The following ZNF584 variants were observed in gnomAD, a reference collection of about 807,000 sequenced individuals.
ZNF584 encodes zinc finger protein 584.
In ZNF584, 12 loss-of-function variants were observed where a neutral mutation model predicts 14.7. That is an observed-to-expected ratio of 0.82 (90% confidence interval 0.52 to 1.32). The LOEUF is 1.32. Among genes scored for constraint, ZNF584 ranks in the 40% most tolerant of loss-of-function variants. The pLI is 0.00. For synonymous variants in ZNF584, 204 were observed against 190.9 expected (o/e 1.07, Z -0.57); for missense variants, 478 against 518.8 (o/e 0.92, Z 0.76).
upstream of ZNF584, chr19:58,405,200 C>T (rs1385565426): frequency 1.4e-5 from 2 of 143,380 alleles, 1 homozygote; most frequent in South Asian, 4.5e-4. Context: ...CCGGACGGGT[C>T]GGCTGGCCGC....
Position 58,417,703 on chromosome 19 carries a change from C to T in ZNF584, c.1185C>T (p.Ser395=), listed in dbSNP as rs777361831. Residue 395 remains serine, a synonymous_variant, in exon 4 of 4, where the codon TCC becomes TCT. Transcript: ENST00000306910. The stretch of plus-strand genomic sequence containing the variant: ...GTGGGAAGGCCTTCAAACATAGTTC[C>T]ACCCTCCTTCAGCACAAGAAAGTCC... ...TECGKAFKHS[S]TLLQHKKVHT... is the part of the protein sequence containing the mutation. 5 of 1,614,118 alleles carry T rather than the reference C, an allele frequency of 3.1e-6. No individual in the cohort carries two copies. The highest frequency in any genetic ancestry group is 1.1e-5 in the South Asian group (1 of 91,078).
At position 58,410,695 on chromosome 19, in the gene ZNF584, A is replaced by ATATATATATGTATATATGTG. The variant is rs2052553943; in HGVS notation, c.169+614_169+633dup. On this transcript the variant is annotated intron_variant, in intron 2 of 3. Transcript: ENST00000306910. ...TATGTGTATATATATGTATATATGT[A>ATATATATATGTATATATGTG]TATATATATGTATATATGTGTATAT... Among the ~76,000 whole-genome samples, 3 of 49,194 alleles carry ATATATATATGTATATATGTG rather than the reference A, an allele frequency of 6.1e-5. 1 individual carries two copies. The highest frequency in any genetic ancestry group is 6.9e-5 in the Non-Finnish European group (2 of 28,950). 32.3% of individuals were successfully genotyped at this position (49,194 alleles called of 152,430 possible).
At chr19:58,415,773 C>T (rs774412840) in intron 3 of ZNF584, 127 bp downstream of exon 3, 1 of 1,611,622 alleles carries the variant, frequency 6.2e-7, no homozygotes, top group Non-Finnish European at 8.5e-7. Flanking sequence ...CCTTTCCTGT[C>T]TTATGTGGAC....
intron 2 of ZNF584, among the ~76,000 whole-genome samples, chr19:58,413,902 T>G (rs2052607653): frequency 6.6e-6 from 1 of 151,918 alleles, no homozygotes. Flanking sequence ...CACTGCAAGC[T>G]CCGCCTCCTG....
At chr19:58,412,170 A>C (rs183189178) in intron 2 of ZNF584, among the ~76,000 whole-genome samples, 3,747 of 135,482 alleles carry the variant, frequency 0.028, 201 homozygotes, top group African/African-American at 0.1. Flanking sequence ...TAGTAGAGAC[A>C]GGGGTTTCAC....
At chr19:58,409,839 CAG>C (rs1268727830) in intron 1 of ZNF584, 100 bp from the exon 2 acceptor site, 142 of 1,391,770 alleles carry the variant, frequency 1.0e-4, no homozygotes, top group Non-Finnish European at 1.4e-4. Flanking sequence ...AAGATAATGT[CAG>C]GGGGAGATGT....
At position 58,417,560 on chromosome 19, in the gene ZNF584, C is replaced by T. The variant is rs756074142; in HGVS notation, c.1042C>T (p.His348Tyr). Reference sequence around the variant, plus strand: ...AGGCCTCTATCAGCACTGGAAAGTCCACACTGGGGAACGGCCCTATGAATG... The same window carrying T: ...AGGCCTCTATCAGCACTGGAAAGTCTACACTGGGGAACGGCCCTATGAATG... ...RSGLYQHWKV[H>Y]TGERPYECSL... Residue 348 changes from histidine to tyrosine, a missense_variant, in exon 4 of 4, where the codon CAC becomes TAC. This residue lies in a region of ZNF584 where 283 missense variants were observed against 317.3 expected (regional missense o/e 0.89). Transcript: ENST00000306910. The T allele has an allele frequency of 1.2e-6, 2 of 1,614,192 alleles. No homozygotes were observed. Among genetic ancestry groups the T allele is most frequent in the South Asian group, 2.2e-5 (2 of 91,082 alleles).
Position 58,417,188 on chromosome 19 carries a change from A to G in ZNF584, c.670A>G (p.Ser224Gly). The G allele has an allele frequency of 6.2e-7, 1 of 1,613,828 alleles. No homozygotes were observed. Among genetic ancestry groups the G allele is most frequent in the Non-Finnish European group, 8.5e-7 (1 of 1,179,746 alleles). Residue 224 changes from serine (S) to glycine (G), a missense_variant, in exon 4 of 4, where the codon AGT becomes GGT. Physicochemically the swap from Ser to Gly is moderately conservative, Grantham distance 56. Transcript: ENST00000306910. ...GTGTAATGAATGTGGGAAGGCCTTC[A>G]GTTACCCGTCTAAGCTGAGGAAACA... ...HVCNECGKAF[S>G]YPSKLRKHQK...
intron 2 of ZNF584, among the ~76,000 whole-genome samples, chr19:58,414,882 T>C (rs1204647789): frequency 6.6e-6 from 1 of 151,964 alleles, no homozygotes; most frequent in African/African-American, 2.4e-5. Context: ...GGCTTTTTTT[T>C]TTCTTTTTGT....
At chr19:58,406,263 G>T (rs1412924718), upstream of ZNF584, 1 of 150,696 alleles carries the variant, frequency 6.6e-6, no homozygotes, top group African/African-American at 2.5e-5. Context: ...AAGAGAATCA[G>T]GCAGGGAGGT....
intron 3 of ZNF584, 83 bp downstream of exon 3, chr19:58,415,729 G>A: frequency 6.2e-7 from 1 of 1,610,296 alleles, no homozygotes; most frequent in Non-Finnish European, 8.5e-7. Flanking sequence ...ATACCTTGGT[G>A]TTGAGGGCAG....
intron 1 of ZNF584, among the ~76,000 whole-genome samples, chr19:58,409,419 A>G (rs937525548): frequency 2.0e-5 from 3 of 152,216 alleles, no homozygotes; most frequent in African/African-American, 7.2e-5. Context: ...AGGCCAGGCA[A>G]TTGCCTATAG....
chr19:58,417,037 C>A lies in ZNF584; in HGVS notation c.519C>A (p.Ala173=). 1 of 1,611,026 alleles carries A rather than the reference C, an allele frequency of 6.2e-7. No homozygotes were observed. The highest frequency in any genetic ancestry group is 8.5e-7 in the Non-Finnish European group (1 of 1,178,008). ...GGAAGGTGTTCTTAAAGGCCTTTGC[C>A]CTCCTTGACCATCTGATAACGCATT... The part of the protein sequence containing the change: ...DCGKVFLKAF[A]LLDHLITHSE... The change falls in exon 4 of 4, where the codon GCC becomes GCA. Residue 173 remains alanine (A), a synonymous_variant. Coordinates refer to ENST00000306910, the MANE Select transcript of ZNF584 (RefSeq NM_173548.3).
chr19:58,415,718 G>A (rs2052634097), intron 3 of ZNF584, 72 bp downstream of exon 3: 29 of 1,608,646 alleles, frequency 1.8e-5, no homozygotes, highest in African/African-American at 4.0e-5. Flanking sequence ...TGCATACACC[G>A]ATACCTTGGT....
In ZNF584 at chr19:58,416,854, T is replaced by C; in HGVS notation, c.336T>C (p.His112=). Residue 112 remains histidine, a synonymous_variant, in exon 4 of 4, where the codon CAT becomes CAC. Transcript: ENST00000306910. ...RVEDERAHPE[H]LKSYRVIQHQ... ...AGGATGAGAGAGCCCATCCTGAGCA[T>C]CTAAAGAGCTACAGAGTCATCCAGC... 1 of 1,583,886 alleles carries C rather than the reference T, an allele frequency of 6.3e-7. No homozygotes were observed. Among genetic ancestry groups the C allele is most frequent in the Non-Finnish European group, 8.6e-7 (1 of 1,166,266 alleles).
chr19:58,401,924 C>A (rs1180843781), intron 1 of ZNF584, among the ~76,000 whole-genome samples: 4 of 118,966 alleles, frequency 3.4e-5, no homozygotes, highest in African/African-American at 1.8e-4. Context: ...TTTTTTTTAG[C>A]CGGACGTGGT....
In ZNF584 at chr19:58,415,661, G is replaced by A. The variant is rs1049038914; in HGVS notation, c.292+15G>A. On this transcript the variant is annotated intron_variant, in intron 3 of 3. Coordinates refer to ENST00000306910, the MANE Select transcript of ZNF584 (RefSeq NM_173548.3). The stretch of plus-strand genomic sequence containing the variant: ...TTTTGGTCTTGGTAAGTGGAGTGGA[G>A]GGGAATACCTTGGTTTCAGCAGTGG... 1 of 1,612,678 alleles carries A rather than the reference G, an allele frequency of 6.2e-7. No homozygotes were observed. The highest frequency in any genetic ancestry group is 8.5e-7 in the Non-Finnish European group (1 of 1,179,150).
intron 3 of ZNF584, chr19:58,416,072 A>C: frequency 9.1e-7 from 1 of 1,097,474 alleles, no homozygotes; most frequent in Non-Finnish European, 1.3e-6. Context: ...GCCCTGCTGA[A>C]ACCCTTTGCA....
intron 2 of ZNF584, among the ~76,000 whole-genome samples, chr19:58,410,544 T>TTTTTTTTTTTTTTTTTTTTTTTG (rs1568584359): frequency 1.6e-5 from 1 of 61,730 alleles, no homozygotes; most frequent in Admixed American, 1.8e-4. Context: ...TATATATATA[T>TTTTTTTTTTTTTTTTTTTTTTTG]ATATATATAT....
Sources: gnomAD v4.1 joint callset for allele counts (sites outside exome capture counted in the v4.1 genomes callset) on GRCh38, gnomAD v4.1.1 for gene constraint, gnomAD v4.1.1 regional missense constraint, MANE v1.5 for transcripts, NCBI Gene and HGNC (gene_info 2026-07-23, HGNC 2026-07-21) for gene names.